Variants in OTOF observed in about 807,000 individuals in gnomAD.
The protein encoded by OTOF is otoferlin, also known as fer-1-like family member 2.
In OTOF, 218 loss-of-function variants were observed where a neutral mutation model predicts 236.8. That is an observed-to-expected ratio of 0.92 (90% CI 0.82 to 1.03). OTOF has a LOEUF of 1.03. Among genes scored for constraint, OTOF ranks in the 50% least tolerant of loss-of-function variants. The pLI is 0.00. For missense variants in OTOF, 2,590 were observed against 2,694.4 expected (o/e 0.96, Z 0.86); for synonymous variants, 1,041 against 1,072.5 (o/e 0.97, Z 0.57).
In OTOF at chr2:26,464,069, C is replaced by G. The variant is rs1664612649; in HGVS notation, c.4998G>C (p.Leu1666Phe). 7 of 1,613,528 alleles carry G rather than the reference C, an allele frequency of 4.3e-6. No individual in the cohort carries two copies. The highest frequency in any genetic ancestry group is 1.3e-5 in the African/African-American group (1 of 74,936). Residue 1666 changes from leucine (L) to phenylalanine (F), a missense_variant, in exon 40 of 47, where the codon TTG (leucine) becomes TTC (phenylalanine). Transcript: ENST00000272371. ...GGATGTCCTCCCAGTGCCTCAGGGC[C>G]AACAGCGCCACATGCTCGTCTGTGG... ...RKPTDEHVALLALRHWEDIPR... is the reference protein window; with the variant it reads ...RKPTDEHVALFALRHWEDIPR...
In OTOF at chr2:26,558,526, T is replaced by A; in HGVS notation, c.46A>T (p.Arg16Trp). ...GTCACTTTGGCGATCCGGTCGCCCC[T>A]GCCCCGCAGCTCCGAGACTGTCTTG... Reference protein sequence around the residue: ...HLKTVSELRGRGDRIAKVTFR... With the variant: ...HLKTVSELRGWGDRIAKVTFR... The change falls in exon 1 of 47, where the codon AGG becomes TGG. Residue 16 changes from arginine (R) to tryptophan (W), a missense_variant. By Grantham distance (101) the Arg-to-Trp change is moderately radical. This residue lies in a region of OTOF where 1,379 missense variants were observed against 1,341.6 expected (regional missense o/e 1.03). Transcript: ENST00000272371. 2 of 1,613,890 alleles carry A rather than the reference T, an allele frequency of 1.2e-6. No homozygotes were observed. The highest frequency in any genetic ancestry group is 1.7e-6 in the Non-Finnish European group (2 of 1,179,898).
At position 26,459,552 on chromosome 2, in the gene OTOF, CAAAAAAAAA is replaced by C. The variant is rs58695074; in HGVS notation, c.*17+447_*17+455del. On this transcript the variant is annotated intron_variant, in intron 46 of 46. Transcript: ENST00000272371. Reference sequence around the variant, plus strand: ...GGGCGACAGAGCGAGACTCTGTCTCCAAAAAAAAAAAAAAAAAAAAAAAATTGGGTTACA... The same window carrying C: ...GGGCGACAGAGCGAGACTCTGTCTCCAAAAAAAAAAAAAAATTGGGTTACA... Among the ~76,000 whole-genome samples the C allele has an allele frequency of 1.7e-3, 117 of 69,114 alleles. 1 individual carries two copies. The highest frequency in any genetic ancestry group is 7.0e-3 in the Middle Eastern group (1 of 142). The allele number at this position is 69,114 out of a possible 152,430, so 45.3% of individuals were successfully genotyped here.
chr2:26,470,650 G>T lies in OTOF; in HGVS notation c.3966C>A (p.Asp1322Glu). 1 of 1,614,120 alleles carries T rather than the reference G, an allele frequency of 6.2e-7. No individual in the cohort carries two copies. The highest frequency in any genetic ancestry group is 8.5e-7 in the Non-Finnish European group (1 of 1,180,034). Residue 1322 changes from aspartate (D) to glutamate (E), a missense_variant, in exon 32 of 47, where the codon GAC (aspartate) becomes GAA (glutamate). Physicochemically the swap from Asp to Glu is conservative, Grantham distance 45. Around this residue, in one of 2 missense-constraint regions of OTOF, gnomAD observed 1,211 missense variants for 1,352.8 expected, o/e 0.90. Coordinates refer to ENST00000272371, the MANE Select transcript of OTOF (RefSeq NM_194248.3). The surrounding 1 kb of genome is among the most constrained non-coding windows in gnomAD (Gnocchi z 4.3). Reference sequence around the variant, plus strand: ...TGGACCACCAGTCCAGCATGCTCTCGTCTGGCTCCTCCTCCTCTGGCTCCT... The same window carrying T: ...TGGACCACCAGTCCAGCATGCTCTCTTCTGGCTCCTCCTCCTCTGGCTCCT... ...TAEEPEEEEP[D>E]ESMLDWWSKY...
At chr2:26,501,210 T>A (rs1380701643) in intron 8 of OTOF, among the ~76,000 whole-genome samples, 1 of 152,198 alleles carries the variant, frequency 6.6e-6, no homozygotes, top group East Asian at 1.9e-4. Context: ...TCTCTTTGTC[T>A]CAGTCTTTTG....
intron 30 of OTOF, among the ~76,000 whole-genome samples, chr2:26,472,023 C>T (rs920320074): frequency 3.3e-5 from 5 of 151,920 alleles, no homozygotes; most frequent in Admixed American, 6.5e-5. Context: ...CATATGCACA[C>T]CATACGCATG....
Position 26,460,538 on chromosome 2 carries a change from A to T in OTOF, c.5813+109T>A. On this transcript the variant is annotated intron_variant, in intron 45 of 46. Coordinates refer to ENST00000272371, the MANE Select transcript of OTOF (RefSeq NM_194248.3). This position sits in a 1 kb window ranked among gnomAD's most constrained non-coding sequence, Gnocchi z 5.3. ...GAGGGCAGGGAGGAGGCTCCCCTGT[A>T]ATGAGGCTGTGGCCCAGGAAGAGAT... 1.1e-6 allele frequency: 1 copy of T among 894,612 alleles called. No individual in the cohort carries two copies. Among genetic ancestry groups the T allele is most frequent in the Non-Finnish European group, 1.8e-6 (1 of 548,804 alleles). The allele number at this position is 894,612 out of a possible 1,614,324, so 55.4% of individuals were successfully genotyped here. A position where few individuals can be genotyped will look rare whatever the true frequency, so the allele number is the denominator to read the frequency against.
chr2:26,504,667 G>A (rs1327712276), intron 5 of OTOF, among the ~76,000 whole-genome samples: 1 of 152,170 alleles, frequency 6.6e-6, no homozygotes, highest in African/African-American at 2.4e-5. Flanking sequence ...GAGGAAAAGG[G>A]GCAGGGGTCC....
rs143766273 is a variant in OTOF at position 26,519,044 on chromosome 2, T to C, written c.293A>G (p.Asp98Gly). Residue 98 changes from aspartate to glycine, a missense_variant, in exon 4 of 47, where the codon GAC becomes GGC. Transcript: ENST00000272371. The stretch of plus-strand genomic sequence containing the variant: ...AGCATTGTTGTCATCAATCAGCGTG[T>C]CAGTCACCTCCACATGGCTCTCCTC... ...VVEESHVEVT[D>G]TLIDDNNAII... 7 of 1,610,148 alleles carry C rather than the reference T, an allele frequency of 4.3e-6. No homozygotes were observed. The highest frequency in any genetic ancestry group is 3.4e-5 in the Admixed American group (2 of 59,652).
At position 26,473,983 on chromosome 2, in the gene OTOF, C is replaced by T. The variant is rs771739529; in HGVS notation, c.3408+8G>A. On this transcript the variant is annotated splice_region_variant and intron_variant, in intron 27 of 46. Coordinates refer to ENST00000272371, the MANE Select transcript of OTOF (RefSeq NM_194248.3). This position sits in a 1 kb window ranked among gnomAD's most constrained non-coding sequence, Gnocchi z 7.2. ...CCAAAAGGGAAGGGCCACACAGAGC[C>T]CTCGCACCTCCACTCGGTACTTGCT... 2 of 1,612,838 alleles carry T rather than the reference C, an allele frequency of 1.2e-6. No individual in the cohort carries two copies. The highest frequency in any genetic ancestry group is 1.7e-5 in the Admixed American group (1 of 60,006).
intron 4 of OTOF, among the ~76,000 whole-genome samples, chr2:26,516,897 C>T (rs1217196887): frequency 1.3e-5 from 2 of 152,142 alleles, no homozygotes; most frequent in African/African-American, 4.8e-5. Flanking sequence ...GACAACTGAG[C>T]CTGGACTCAC....
At chr2:26,504,005 A>G (rs1004421822) in intron 5 of OTOF, among the ~76,000 whole-genome samples, 160 bp from the exon 6 acceptor site, 1 of 151,914 alleles carries the variant, frequency 6.6e-6, no homozygotes, top group Non-Finnish European at 1.5e-5. Context: ...TGTCTTCCCA[A>G]ATTGGGAGCC....
In OTOF at chr2:26,503,823, C is replaced by T. The variant is rs762109431; in HGVS notation, c.532G>A (p.Ala178Thr). The T allele has an allele frequency of 1.9e-6, 3 of 1,614,010 alleles. No individual in the cohort carries two copies. The highest frequency in any genetic ancestry group is 2.7e-5 in the African/African-American group (2 of 74,916). The change falls in exon 6 of 47, where the codon GCC becomes ACC. Residue 178 changes from alanine to threonine, a missense_variant. By Grantham distance (58) the Ala-to-Thr change is moderately conservative. Around this residue, in one of 2 missense-constraint regions of OTOF, gnomAD observed 1,379 missense variants for 1,341.6 expected, o/e 1.03. Coordinates refer to ENST00000272371, the MANE Select transcript of OTOF (RefSeq NM_194248.3). The stretch of plus-strand genomic sequence containing the variant: ...GACCGGTTTTTGCCGAGCTTCATGG[C>T]GGAGAACACGCTCCTCCCGGCTCTG... ...FRRAGRSVFSAMKLGKNRSHK... is the reference protein window; with the variant it reads ...FRRAGRSVFSTMKLGKNRSHK...
chr2:26,499,814 A>C (rs1409416044), intron 8 of OTOF, among the ~76,000 whole-genome samples: 1 of 152,080 alleles, frequency 6.6e-6, no homozygotes, highest in East Asian at 1.9e-4. Flanking sequence ...TGCATTATAC[A>C]CTGTATGTAT....
rs1465018774 is a variant in OTOF, at chr2:26,476,051, G to C, written c.2867-13C>G. 1 of 1,612,310 alleles carries C rather than the reference G, an allele frequency of 6.2e-7. No homozygotes were observed. On this transcript the variant is annotated splice_polypyrimidine_tract_variant and intron_variant, in intron 23 of 46. Transcript: ENST00000272371. ...AACGCCTGCTTCTCTGTGGGGAAGG[G>C]CAGCCTGAGGTTCCAGGATGGGCAG... is the stretch of plus-strand genomic sequence containing the variant.
At chr2:26,537,864 A>G (rs1166533181) in intron 1 of OTOF, 90 bp from the exon 2 acceptor site, 1 of 946,536 alleles carries the variant, frequency 1.1e-6, no homozygotes, top group Non-Finnish European at 1.7e-6. Flanking sequence ...AGTCGTCCTA[A>G]CAGCATTTGA....
At chr2:26,501,714 C>T in intron 8 of OTOF, 40 bp downstream of exon 8, 2 of 1,427,360 alleles carry the variant, frequency 1.4e-6, no homozygotes, top group East Asian at 2.3e-5. Flanking sequence ...CCCACTAGAG[C>T]AGAGTCTGAA....
intron 1 of OTOF, among the ~76,000 whole-genome samples, chr2:26,553,124 G>A (rs963998754): frequency 2.3e-4 from 35 of 152,136 alleles, no homozygotes; most frequent in Admixed American, 1.9e-3. Context: ...CCAACAGTAG[G>A]GGGACATCTT....
At chr2:26,511,934 C>G (rs1335182433) in intron 5 of OTOF, among the ~76,000 whole-genome samples, 2 of 152,184 alleles carry the variant, frequency 1.3e-5, no homozygotes, top group African/African-American at 4.8e-5. Flanking sequence ...GCACACACTT[C>G]TGCATGCCCA....
intron 2 of OTOF, among the ~76,000 whole-genome samples, chr2:26,533,741 C>T (rs1464239880): frequency 2.0e-5 from 3 of 152,132 alleles, no homozygotes; most frequent in Non-Finnish European, 4.4e-5. Flanking sequence ...GGGCACAGGC[C>T]TGCGGTGACA....
Sources: gnomAD v4.1 joint callset for allele counts (sites outside exome capture counted in the v4.1 genomes callset) on GRCh38, gnomAD v4.1.1 for gene constraint, gnomAD v4.1.1 regional missense constraint, Gnocchi (gnomAD v3.1) non-coding constraint, MANE v1.5 for transcripts, NCBI Gene and HGNC (gene_info 2026-07-23, HGNC 2026-07-21) for gene names.